The following HYDIN variants were observed in gnomAD, a reference collection of about 807,000 sequenced individuals.
HYDIN encodes the protein HYDIN axonemal central pair apparatus protein, also known as axonemal central pair apparatus protein HYDIN.
Under a neutral mutation model 403.9 loss-of-function variants are expected in HYDIN, and 132 were observed. The ratio of observed to expected loss-of-function variants is 0.33; its 90% CI spans 0.28 to 0.38. The LOEUF (loss-of-function observed/expected upper bound fraction) is 0.38, where lower values mean the gene tolerates loss of function less well. Ranked by LOEUF, HYDIN falls within the 10% of genes least tolerant of loss-of-function variation. The pLI is 1.00. For synonymous variants in HYDIN, 1,202 were observed against 1,891.7 expected (o/e 0.64, Z 9.46); for missense variants, 2,827 against 5,009.5 (o/e 0.56, Z 13.15).
At chr16:70,986,759 A>C in intron 27 of HYDIN, among the ~76,000 whole-genome samples, 2 of 129,114 alleles carry the variant, frequency 1.5e-5, no homozygotes, top group Non-Finnish European at 3.2e-5. Flanking sequence ...AAAGTAAAAG[A>C]TAACCCTAGA....
chr16:71,134,628 G>C (rs2084844557), intron 8 of HYDIN, among the ~76,000 whole-genome samples: 1 of 152,038 alleles, frequency 6.6e-6, no homozygotes, highest in Non-Finnish European at 1.5e-5. Context: ...TTGTGACATG[G>C]AGGAGGAGGG....
At chr16:71,087,370 C>T (rs1597745287) in intron 12 of HYDIN, among the ~76,000 whole-genome samples, 1 of 150,090 alleles carries the variant, frequency 6.7e-6, no homozygotes, top group Admixed American at 6.7e-5. Context: ...TTTCACATGG[C>T]CCTTTTCTAT....
At chr16:71,221,923 G>T (rs1025212739) in intron 1 of HYDIN, among the ~76,000 whole-genome samples, 13 of 152,130 alleles carry the variant, frequency 8.5e-5, no homozygotes, top group Non-Finnish European at 1.9e-4. Flanking sequence ...ACTGAGTTTT[G>T]GCCAAAGGTG....
chr16:70,984,871 A>G (rs1472456560), intron 28 of HYDIN, among the ~76,000 whole-genome samples: 6 of 151,298 alleles, frequency 4.0e-5, no homozygotes, highest in Admixed American at 4.0e-4. Context: ...GCCCTCGGGA[A>G]TTACAAGGGC....
rs532439876 is a variant in HYDIN at position 70,955,155 on chromosome 16, C to T, written c.6316+220G>A. On this transcript the variant is annotated intron_variant, in intron 40 of 85. Transcript: ENST00000393567. ...GCTGTGTCTTATTCATTGTCCTGGT[C>T]CCCACAGTGGCAAGAGCACGCTGGC... Among the ~76,000 whole-genome samples, 12 of 152,240 alleles carry T rather than the reference C, an allele frequency of 7.9e-5. No individual in the cohort carries two copies. The East Asian group carries it at 2.3e-3, about 29-fold the overall frequency.
intron 53 of HYDIN, among the ~76,000 whole-genome samples, chr16:70,897,224 T>C (rs1224238814): frequency 6.6e-6 from 1 of 152,056 alleles, no homozygotes; most frequent in African/African-American, 2.4e-5. Flanking sequence ...TGAGGCTAAC[T>C]AGGAGGCGGT....
intron 3 of HYDIN, among the ~76,000 whole-genome samples, chr16:71,184,061 G>A (rs991052562): frequency 3.3e-5 from 5 of 152,098 alleles, no homozygotes; most frequent in African/African-American, 1.2e-4. Flanking sequence ...ACAATAAAAA[G>A]CTAGCAATGC....
chr16:70,902,821 A>ATATATATTTTTTT, intron 52 of HYDIN, among the ~76,000 whole-genome samples: 2 of 47,310 alleles, frequency 4.2e-5, no homozygotes, highest in Admixed American at 2.5e-4. Flanking sequence ...ATATATATAT[A>ATATATATTTTTTT]TTTTTTTTTT....
intron 40 of HYDIN, 104 bp downstream of exon 40, chr16:70,955,271 A>G: frequency 4.5e-6 from 3 of 673,980 alleles, no homozygotes; most frequent in Non-Finnish European, 7.3e-6. Context: ...GCAGACTTCA[A>G]CCAGGCTGTG....
rs1381707647 is a variant in HYDIN, at chr16:70,873,017, A to C, written c.10949-838T>G. On this transcript the variant is annotated intron_variant, in intron 64 of 85. Coordinates refer to ENST00000393567, the MANE Select transcript of HYDIN (RefSeq NM_001270974.2). ...CATGCATGCATGTATCCATCCACCCATTCATCTATCATCTACCCATCCATC... is the reference window on the plus strand; with the variant it reads ...CATGCATGCATGTATCCATCCACCCCTTCATCTATCATCTACCCATCCATC... 6.2e-5 allele frequency among the ~76,000 whole-genome samples: 3 copies of C among 48,240 alleles called. No individual in the cohort carries two copies. In the Admixed American group the frequency reaches 6.7e-4, roughly 11 times the overall value. 31.6% of individuals were successfully genotyped at this position (48,240 alleles called of 152,430 possible).
intron 45 of HYDIN, among the ~76,000 whole-genome samples, chr16:70,932,009 CAAAA>C (rs57391181): frequency 3.4e-5 from 1 of 29,072 alleles, no homozygotes; most frequent in Non-Finnish European, 5.1e-5. Context: ...AGACTTGTAT[CAAAA>C]AAAAAAAAAA....
chr16:71,195,271 AAAG>A (rs1398756325), intron 1 of HYDIN, among the ~76,000 whole-genome samples: 1 of 152,068 alleles, frequency 6.6e-6, no homozygotes, highest in African/African-American at 2.4e-5. Context: ...AAAAAAAAGA[AAAG>A]AAAAAACTAA....
At chr16:70,980,848 A>T (rs2079024758) in intron 29 of HYDIN, among the ~76,000 whole-genome samples, 1 of 152,208 alleles carries the variant, frequency 6.6e-6, no homozygotes, top group Non-Finnish European at 1.5e-5. Flanking sequence ...CCAAGACAGA[A>T]ATATTCTGCT....
At chr16:71,152,511 C>T in intron 7 of HYDIN, 148 bp downstream of exon 7, 1 of 583,930 alleles carries the variant, frequency 1.7e-6, no homozygotes, top group Non-Finnish European at 3.1e-6. Flanking sequence ...CCCTCACCCT[C>T]CTCCTGCCCT....
chr16:71,053,722 A>G (rs1047011659), intron 18 of HYDIN, among the ~76,000 whole-genome samples: 1 of 149,000 alleles, frequency 6.7e-6, no homozygotes, highest in Admixed American at 6.7e-5. Context: ...GGGCAGAGAG[A>G]AAGGACATAG....
Position 70,807,748 on chromosome 16 carries a change from T to C in HYDIN, c.15198A>G (p.Gly5066=), listed in dbSNP as rs2035181403. 6.2e-7 allele frequency: 1 copy of C among 1,614,148 alleles called. No homozygotes were observed. The highest frequency in any genetic ancestry group is 1.3e-5 in the African/African-American group (1 of 75,022). The change falls in exon 86 of 86, where the codon GGA becomes GGG. Residue 5066 remains glycine (G), a synonymous_variant. Coordinates refer to ENST00000393567, the MANE Select transcript of HYDIN (RefSeq NM_001270974.2). ...TGATCTTCTTGGGCCGCACAGACTC[T>C]CCAGCGCGAATGGTGAAGGCTGGGT... is the stretch of plus-strand genomic sequence containing the variant. ...VDNPAFTIRA[G]ESVRPKKINN... is the part of the protein sequence containing the mutation.
At chr16:71,230,483 G>GGACGAA (rs1202795927) in intron 1 of HYDIN, 79 bp downstream of exon 1, 1 of 1,442,650 alleles carries the variant, frequency 6.9e-7, no homozygotes, top group Non-Finnish European at 9.2e-7. Context: ...GCGAGGACGA[G>GGACGAA]GACGAAAAGA....
chr16:71,171,735 G>T (rs2144629490), intron 5 of HYDIN, among the ~76,000 whole-genome samples: 1 of 152,272 alleles, frequency 6.6e-6, no homozygotes, highest in Middle Eastern at 3.4e-3. Context: ...AAGTGACAAA[G>T]AAGAAAGTTA....
intron 1 of HYDIN, among the ~76,000 whole-genome samples, chr16:71,213,848 T>C (rs888367476): frequency 3.9e-5 from 6 of 152,044 alleles, no homozygotes; most frequent in Non-Finnish European, 7.4e-5. Context: ...TCAATAAACA[T>C]TGAAAAATTT....
Sources: gnomAD v4.1 joint callset for allele counts (sites outside exome capture counted in the v4.1 genomes callset) on GRCh38, gnomAD v4.1.1 for gene constraint, MANE v1.5 for transcripts, NCBI Gene and HGNC (gene_info 2026-07-23, HGNC 2026-07-21) for gene names.